Variants in RANBP2 observed in about 807,000 individuals in gnomAD.
RANBP2 encodes the protein RAN binding protein 2.
Under a neutral mutation model 303.6 loss-of-function variants are expected in RANBP2, and 57 were observed. The observed-to-expected ratio is 0.19, with a 90% CI of 0.15 to 0.23. RANBP2 has a LOEUF of 0.23. Among genes scored for constraint, RANBP2 ranks in the 10% least tolerant of loss-of-function variants. RANBP2 has a pLI of 1.00. For synonymous variants in RANBP2, 1,167 were observed against 1,301.5 expected (o/e 0.90, Z 2.23); for missense variants, 3,138 against 3,780.8 (o/e 0.83, Z 4.46).
the RANBP2 span, among the ~76,000 whole-genome samples, chr2:109,116,652 A>G: frequency 1.3e-5 from 2 of 152,226 alleles, no homozygotes; most frequent in South Asian, 2.1e-4. Context: ...TTCTCCGTCC[A>G]GCTTTGTTCC....
chr2:108,922,705 C>T, the RANBP2 span, among the ~76,000 whole-genome samples: 4 of 152,230 alleles, frequency 2.6e-5, no homozygotes, highest in African/African-American at 7.2e-5. Context: ...TCCTGCAGCC[C>T]GGCACCAGAC....
At chr2:108,820,526 C>A in the RANBP2 span, among the ~76,000 whole-genome samples, 1 of 151,736 alleles carries the variant, frequency 6.6e-6, no homozygotes, top group Non-Finnish European at 1.5e-5. Context: ...TAAAGACACC[C>A]CCTCTAACAT....
intron 1 of RANBP2, among the ~76,000 whole-genome samples, chr2:108,721,194 AT>A (rs1694217952): frequency 1.3e-5 from 2 of 152,276 alleles, no homozygotes; most frequent in East Asian, 3.9e-4. Flanking sequence ...ACCTGTAGAG[AT>A]TTAAGATACT....
the RANBP2 span, among the ~76,000 whole-genome samples, chr2:109,319,675 A>G: frequency 5.9e-5 from 9 of 152,188 alleles, no homozygotes; most frequent in African/African-American, 2.2e-4. Flanking sequence ...TCTCTTTTTA[A>G]AGTGTGCGAT....
chr2:109,170,320 T>TC, the RANBP2 span, among the ~76,000 whole-genome samples: 10 of 133,404 alleles, frequency 7.5e-5, no homozygotes, highest in East Asian at 4.5e-4. Context: ...TTCTCTCCTC[T>TC]CTCTCTCTCC....
chr2:108,855,180 A>G, the RANBP2 span, among the ~76,000 whole-genome samples: 1 of 152,318 alleles, frequency 6.6e-6, no homozygotes, highest in Non-Finnish European at 1.5e-5. Context: ...ATTAAAATGA[A>G]GACAAAATGA....
chr2:109,227,224 CAG>C, the RANBP2 span, among the ~76,000 whole-genome samples: 7 of 152,132 alleles, frequency 4.6e-5, no homozygotes, highest in African/African-American at 1.4e-4. Context: ...ACCCAGGCCT[CAG>C]GGGCTGAAAG....
At chr2:109,549,277 G>C in the RANBP2 span, among the ~76,000 whole-genome samples, 19 of 152,166 alleles carry the variant, frequency 1.2e-4, no homozygotes, top group Non-Finnish European at 2.2e-4. Context: ...ACTAGAGATA[G>C]CTCTCTGGTT....
chr2:108,720,427 T>C (rs1694145614), intron 1 of RANBP2, among the ~76,000 whole-genome samples: 1 of 152,074 alleles, frequency 6.6e-6, no homozygotes, highest in Non-Finnish European at 1.5e-5. Flanking sequence ...TTTCCACAAA[T>C]GTTTTAAGGG....
At chr2:108,805,028 A>G in the RANBP2 span, 1 of 1,322,042 alleles carries the variant, frequency 7.6e-7, no homozygotes, top group Non-Finnish European at 1.0e-6. Flanking sequence ...GTTTTAATAT[A>G]TACTGAACAT....
chr2:109,555,589 G>A, the RANBP2 span, among the ~76,000 whole-genome samples: 15 of 152,306 alleles, frequency 9.8e-5, no homozygotes, highest in South Asian at 2.1e-4. Context: ...GACAAACTGC[G>A]TCTGCCATCC....
chr2:109,133,298 G>A, the RANBP2 span, among the ~76,000 whole-genome samples: 16 of 152,390 alleles, frequency 1.0e-4, no homozygotes, highest in Non-Finnish European at 1.0e-4. Context: ...TTGAGGTACA[G>A]TGGTATATGT....
the RANBP2 span, among the ~76,000 whole-genome samples, chr2:109,486,438 C>A: frequency 6.6e-6 from 1 of 152,206 alleles, no homozygotes; most frequent in East Asian, 1.9e-4. Flanking sequence ...ATTTATTTGA[C>A]AAAAATATAT....
chr2:109,348,274 G>C, the RANBP2 span, among the ~76,000 whole-genome samples: 1 of 152,220 alleles, frequency 6.6e-6, no homozygotes, highest in Admixed American at 6.5e-5. Flanking sequence ...TCTAAGCGCT[G>C]ACCCAGGTGC....
chr2:108,829,682 G>T, the RANBP2 span, among the ~76,000 whole-genome samples: 2 of 152,300 alleles, frequency 1.3e-5, no homozygotes, highest in African/African-American at 2.4e-5. Flanking sequence ...GGAGGCAGAG[G>T]TTGCAGTGAG....
the RANBP2 span, among the ~76,000 whole-genome samples, chr2:109,356,401 A>T: frequency 6.6e-6 from 1 of 152,218 alleles, no homozygotes; most frequent in Non-Finnish European, 1.5e-5. Context: ...CTCTAGCCAG[A>T]TGGAGCCATG....
chr2:109,012,613 A>G, the RANBP2 span, among the ~76,000 whole-genome samples: 1,093 of 134,668 alleles, frequency 8.1e-3, 5 homozygotes, highest in Middle Eastern at 0.018. Flanking sequence ...CTTAGAAAAA[A>G]AAATTTTTAA....
chr2:108,805,270 C>G, the RANBP2 span, among the ~76,000 whole-genome samples: 1 of 152,122 alleles, frequency 6.6e-6, no homozygotes, highest in African/African-American at 2.4e-5. Context: ...TTTTTAGGTA[C>G]TGATCTCTGG....
chr2:109,432,939 A>G, the RANBP2 span, among the ~76,000 whole-genome samples: 84 of 152,364 alleles, frequency 5.5e-4, no homozygotes, highest in Non-Finnish European at 1.0e-3. Flanking sequence ...CAGGAAAGTC[A>G]CCAGAATGAG....
Sources: gnomAD v4.1 joint callset for allele counts (sites outside exome capture counted in the v4.1 genomes callset) on GRCh38, gnomAD v4.1.1 for gene constraint, MANE v1.5 for transcripts, NCBI Gene and HGNC (gene_info 2026-07-23, HGNC 2026-07-21) for gene names.